Variants in ZBTB16 observed in about 807,000 individuals in gnomAD.
The protein encoded by ZBTB16 is zinc finger and BTB domain-containing protein 16.
In ZBTB16, 8 loss-of-function variants were observed where a neutral mutation model predicts 56.8. That is an observed-to-expected ratio of 0.14 (90% CI 0.08 to 0.25). The LOEUF is 0.25. Among genes scored for constraint, ZBTB16 ranks in the 10% least tolerant of loss-of-function variants. The pLI is 1.00. For missense variants in ZBTB16, 625 were observed against 903.0 expected, an observed-to-expected ratio of 0.69 and a Z score of 3.95; for synonymous variants, 363 against 368.5, an observed-to-expected ratio of 0.98 and a Z score of 0.17.
chr11:114,181,329 C>T, intron 3 of ZBTB16, among the ~76,000 whole-genome samples: 1 of 152,234 alleles, frequency 6.6e-6, no homozygotes. Flanking sequence ...CCCCTTACTG[C>T]TTCCATTTTA....
intron 2 of ZBTB16, among the ~76,000 whole-genome samples, chr11:114,085,245 G>T (rs543393368): frequency 6.6e-6 from 1 of 152,242 alleles, no homozygotes; most frequent in South Asian, 2.1e-4. Flanking sequence ...TATATGCTCT[G>T]GTATCTTCTC....
chr11:114,172,830 G>T lies in ZBTB16; in HGVS notation c.1367-14122G>T, dbSNP rs111431383. On this transcript the variant is annotated intron_variant, in intron 3 of 6. Coordinates refer to ENST00000335953, the MANE Select transcript of ZBTB16 (RefSeq NM_006006.6). ...AGTTTCCCACCTGGACCTCTGGCAT[G>T]GGAGGAGCCAGAAAAGACGAGTTTT... Among the ~76,000 whole-genome samples, 960 of 152,328 alleles carry T rather than the reference G, an allele frequency of 6.3e-3. 7 individuals carry two copies. Among genetic ancestry groups the T allele is most frequent in the Non-Finnish European group, 0.01 (697 of 68,024 alleles).
At chr11:114,232,889 G>C (rs1177821597) in intron 4 of ZBTB16, among the ~76,000 whole-genome samples, 1 of 152,084 alleles carries the variant, frequency 6.6e-6, no homozygotes, top group Non-Finnish European at 1.5e-5. Flanking sequence ...GGCGTCCTGC[G>C]GGCTCCAGGC....
At chr11:114,220,521 C>T (rs1944208886) in intron 4 of ZBTB16, among the ~76,000 whole-genome samples, 3 of 152,196 alleles carry the variant, frequency 2.0e-5, no homozygotes, top group Admixed American at 2.0e-4. Flanking sequence ...TAAATTCCAA[C>T]CCTGAAAGCC....
intron 2 of ZBTB16, among the ~76,000 whole-genome samples, chr11:114,147,080 C>T (rs1434331175): frequency 6.6e-6 from 1 of 152,154 alleles, no homozygotes; most frequent in African/African-American, 2.4e-5. Flanking sequence ...AGCTCTCCAG[C>T]TCAGAATCCT....
In ZBTB16 at chr11:114,108,505, C is replaced by A. The variant is rs1363691668; in HGVS notation, c.1268+43937C>A. 5.3e-5 allele frequency among the ~76,000 whole-genome samples: 8 copies of A among 152,200 alleles called. 1 individual carries two copies. Among genetic ancestry groups the A allele is most frequent in the Admixed American group, 6.5e-5 (1 of 15,274 alleles). ...CTGTCTTCTTGTTCTGGAAGGAGTT[C>A]TGTTAACACTGGTGAAAACTTTGAG... On this transcript the variant is annotated intron_variant, in intron 2 of 6. Transcript: ENST00000335953.
rs553404410 is a variant in ZBTB16 at position 114,063,645 on chromosome 11, G to A, written c.345G>A (p.Glu115=). ...AAEILEIEYL[E]EQCLKMLETI... ...AGATCCTGGAGATCGAGTACCTGGA[G>A]GAACAGTGCCTGAAGATGCTGGAGA... is the stretch of plus-strand genomic sequence containing the variant. The change falls in exon 2 of 7, where the codon GAG becomes GAA. Residue 115 remains glutamate (E), a synonymous_variant. Coordinates refer to ENST00000335953, the MANE Select transcript of ZBTB16 (RefSeq NM_006006.6). The surrounding 1 kb of genome is among the most constrained non-coding windows in gnomAD (Gnocchi z 6.5). The A allele has an allele frequency of 2.5e-6, 4 of 1,614,142 alleles. No homozygotes were observed. The East Asian group carries it at 8.9e-5, about 36-fold the overall frequency.
chr11:114,082,867 G>A (rs1392554775), intron 2 of ZBTB16, among the ~76,000 whole-genome samples: 1 of 152,144 alleles, frequency 6.6e-6, no homozygotes, highest in Non-Finnish European at 1.5e-5. Context: ...TAGAAACCCA[G>A]TCTCCCCTCT....
chr11:114,220,115 G>A (rs778827660), intron 4 of ZBTB16, among the ~76,000 whole-genome samples: 7 of 152,228 alleles, frequency 4.6e-5, no homozygotes, highest in Non-Finnish European at 2.9e-5. Flanking sequence ...ATTAGTGGAC[G>A]GAGGGGTCGA....
At chr11:114,180,265 G>T (rs190379061) in intron 3 of ZBTB16, among the ~76,000 whole-genome samples, 1 of 152,300 alleles carries the variant, frequency 6.6e-6, no homozygotes, top group African/African-American at 2.4e-5. Flanking sequence ...ACATCCCGAA[G>T]CCCTCATCTG....
intron 2 of ZBTB16, among the ~76,000 whole-genome samples, chr11:114,114,682 C>CTT (rs761374297): frequency 2.9e-5 from 4 of 140,140 alleles, no homozygotes; most frequent in Admixed American, 1.4e-4. Flanking sequence ...TATGTTTTTT[C>CTT]TTTTTTTTTT....
At position 114,250,235 on chromosome 11, in the gene ZBTB16, C is replaced by T. The variant is rs572129658; in HGVS notation, c.1793-91C>T. On this transcript the variant is annotated intron_variant, in intron 6 of 6. Coordinates refer to ENST00000335953, the MANE Select transcript of ZBTB16 (RefSeq NM_006006.6). The surrounding 1 kb of genome is among the most constrained non-coding windows in gnomAD (Gnocchi z 6.0). The stretch of plus-strand genomic sequence containing the variant: ...TTGGAGCAAGCCCAGCTGGAGGAAC[C>T]CAGCTTCCCTGGCACGCCTGAGGGT... The T allele has an allele frequency of 7.9e-4, 1,162 of 1,472,076 alleles. 1 individual carries two copies. Among genetic ancestry groups the T allele is most frequent in the Non-Finnish European group, 9.6e-4 (1,022 of 1,065,892 alleles). 91.2% of individuals were successfully genotyped at this position (1,472,076 alleles called of 1,614,324 possible).
intron 3 of ZBTB16, among the ~76,000 whole-genome samples, chr11:114,161,033 T>G (rs975101221): frequency 1.3e-5 from 2 of 152,206 alleles, no homozygotes; most frequent in African/African-American, 4.8e-5. Context: ...TTACCCCTTT[T>G]GGGGATCTGG....
intron 4 of ZBTB16, among the ~76,000 whole-genome samples, chr11:114,212,284 T>G (rs1944013589): frequency 6.6e-6 from 1 of 152,162 alleles, no homozygotes; most frequent in African/African-American, 2.4e-5. Context: ...CAGATACTTT[T>G]GTGTCCCAAG....
intron 2 of ZBTB16, among the ~76,000 whole-genome samples, chr11:114,122,964 G>A (rs1290506984): frequency 6.6e-6 from 1 of 152,208 alleles, no homozygotes; most frequent in Non-Finnish European, 1.5e-5. Flanking sequence ...TCTGGAGGCT[G>A]GAAAATCCAA....
chr11:114,141,340 C>T (rs755923540), intron 2 of ZBTB16, among the ~76,000 whole-genome samples: 3 of 152,220 alleles, frequency 2.0e-5, no homozygotes, highest in Admixed American at 6.5e-5. Flanking sequence ...ACAGCAGCTA[C>T]TGTTGATCTG....
At chr11:114,087,181 G>C (rs989056483) in intron 2 of ZBTB16, among the ~76,000 whole-genome samples, 1 of 152,178 alleles carries the variant, frequency 6.6e-6, no homozygotes, top group African/African-American at 2.4e-5. Context: ...GTTGTTCATC[G>C]ATGTCTGTTG....
chr11:114,213,319 G>A (rs781203733), intron 4 of ZBTB16, among the ~76,000 whole-genome samples: 4 of 152,176 alleles, frequency 2.6e-5, no homozygotes, highest in Admixed American at 1.3e-4. Flanking sequence ...CACGTGTCCT[G>A]TATCCTGTTG....
intron 4 of ZBTB16, among the ~76,000 whole-genome samples, chr11:114,210,204 C>CGCGCGT (rs200415523): frequency 2.1e-5 from 3 of 142,216 alleles, no homozygotes; most frequent in African/African-American, 7.7e-5. Flanking sequence ...CGTGCGCGCG[C>CGCGCGT]GTGCACAGTT....
Sources: gnomAD v4.1 joint callset for allele counts (sites outside exome capture counted in the v4.1 genomes callset) on GRCh38, gnomAD v4.1.1 for gene constraint, Gnocchi (gnomAD v3.1) non-coding constraint, MANE v1.5 for transcripts, NCBI Gene and HGNC (gene_info 2026-07-23, HGNC 2026-07-21) for gene names.